The following SPTA1 variants were observed in gnomAD, a reference collection of about 807,000 sequenced individuals.
SPTA1 encodes spectrin alpha, erythrocytic 1, also known as spectrin alpha chain, erythrocytic 1.
Under a neutral mutation model 324.7 loss-of-function variants are expected in SPTA1, and 177 were observed. The observed-to-expected ratio is 0.55, with a 90% confidence interval of 0.48 to 0.62. The LOEUF is 0.62. Ranked by LOEUF, SPTA1 falls within the 20% of genes least tolerant of loss-of-function variation. SPTA1 has a pLI of 0.00. For synonymous variants in SPTA1, 1,195 were observed against 1,041.3 expected (o/e 1.15, Z -2.84); for missense variants, 3,162 against 2,883.6 (o/e 1.10, Z -2.21).
Position 158,614,279 on chromosome 1 carries a change from A to C in SPTA1, c.6816T>G (p.Thr2272=). The C allele has an allele frequency of 6.3e-7, 1 of 1,592,148 alleles. No homozygotes were observed. Among genetic ancestry groups the C allele is most frequent in the South Asian group, 1.1e-5 (1 of 90,490 alleles). Residue 2272 remains threonine, a synonymous_variant, in exon 49 of 52, where the codon ACT becomes ACG. Coordinates refer to ENST00000643759, the MANE Select transcript of SPTA1 (RefSeq NM_003126.4). ...TATAGATTGTGCTAAATTCCTTTAGAGTCTCTTCACTCACACCTTTGATGT... is the reference window on the plus strand; with the variant it reads ...TATAGATTGTGCTAAATTCCTTTAGCGTCTCTTCACTCACACCTTTGATGT... ...AKDIKGVSEE[T]LKEFSTIYKH...
chr1:158,613,012 G>A, intron 50 of SPTA1, 51 bp from the exon 51 acceptor site: 2 of 1,598,286 alleles, frequency 1.3e-6, no homozygotes, highest in Non-Finnish European at 1.7e-6. Context: ...AGAGAAGGAA[G>A]TCCCCTTTTT....
chr1:158,662,722 G>C lies in SPTA1; in HGVS notation c.2444C>G (p.Ser815Ter). Residue 815 changes from serine to a stop codon, truncating the protein, a stop_gained, in exon 17 of 52, where the codon TCA becomes TGA. Transcript: ENST00000643759. LOFTEE classifies it high-confidence loss of function. Reference sequence around the variant, plus strand: ...CTAACCAAGGTAGGTGGAAGTAGCTGAGGGTTCAGTCTCTTGGATCCAGGC... The same window carrying C: ...CTAACCAAGGTAGGTGGAAGTAGCTCAGGGTTCAGTCTCTTGGATCCAGGC... ...EEAWIQETEP[S>*]ATSTYLGKDL... The C allele has an allele frequency of 6.2e-7, 1 of 1,613,932 alleles. No homozygotes were observed. Among genetic ancestry groups the C allele is most frequent in the Non-Finnish European group, 8.5e-7 (1 of 1,179,962 alleles).
rs1157405788 is a variant in SPTA1 at position 158,638,301 on chromosome 1, C to G, written c.4981-60G>C. 4 of 1,530,102 alleles carry G rather than the reference C, an allele frequency of 2.6e-6. No homozygotes were observed. The African/African-American group carries it at 5.5e-5, about 21-fold the overall frequency. 94.8% of individuals were successfully genotyped at this position (1,530,102 alleles called of 1,614,324 possible). ...GTATAGGCATTACTCAGATCCCACA[C>G]TTTAACAACAGCTGGTCTGGCTCAA... On this transcript the variant is annotated intron_variant, in intron 35 of 51. Transcript: ENST00000643759.
At chr1:158,622,842 G>A in intron 43 of SPTA1, 141 bp downstream of exon 43, 1 of 849,238 alleles carries the variant, frequency 1.2e-6, no homozygotes, top group South Asian at 1.5e-5. Context: ...TTTTTGCTCA[G>A]TAAGAATGTC....
rs759152319 is a variant in SPTA1, at chr1:158,676,281, A to G, written c.972T>C (p.Cys324=). 44 of 1,613,458 alleles carry G rather than the reference A, an allele frequency of 2.7e-5. No individual in the cohort carries two copies. The highest frequency in any genetic ancestry group is 3.6e-5 in the Non-Finnish European group (43 of 1,179,690). Residue 324 remains cysteine (C), a synonymous_variant, in exon 8 of 52, where the codon TGT becomes TGC. Transcript: ENST00000643759. The part of the protein sequence containing the change: ...AVMSDKVKEL[C]AKAEKLTLSH... ...AAAGTGTCAGCTTCTCTGCTTTAGC[A>G]CATAACTCCTTCACCTTTGGGATGA... is the stretch of plus-strand genomic sequence containing the variant.
chr1:158,671,992 T>C (rs1013193432), intron 11 of SPTA1, 67 bp downstream of exon 11: 17 of 1,595,026 alleles, frequency 1.1e-5, no homozygotes, highest in Non-Finnish European at 1.5e-5. Context: ...GAACTCATGG[T>C]AGTCATGGTG....
chr1:158,623,766 G>A (rs1650079570), intron 42 of SPTA1, among the ~76,000 whole-genome samples: 1 of 152,138 alleles, frequency 6.6e-6, no homozygotes, highest in Non-Finnish European at 1.5e-5. Context: ...GTCTTTATTA[G>A]CAGTGTGAGA....
intron 14 of SPTA1, 39 bp from the exon 15 acceptor site, chr1:158,668,101 G>T: frequency 6.3e-7 from 1 of 1,580,982 alleles, no homozygotes. Flanking sequence ...ACCATTACCT[G>T]AAGAATGAGG....
intron 33 of SPTA1, among the ~76,000 whole-genome samples, chr1:158,641,307 A>T (rs946042948): frequency 2.6e-5 from 4 of 152,282 alleles, no homozygotes; most frequent in Admixed American, 6.5e-5. Flanking sequence ...AAATTGACAA[A>T]TGGGATCTAA....
intron 39 of SPTA1, among the ~76,000 whole-genome samples, chr1:158,631,466 A>G (rs1444568270): frequency 2.0e-5 from 3 of 152,178 alleles, no homozygotes. Context: ...AAAGGGTGGG[A>G]AAGGGGTCAG....
intron 8 of SPTA1, among the ~76,000 whole-genome samples, chr1:158,675,640 AC>A (rs1222569127): frequency 6.6e-6 from 1 of 152,214 alleles, no homozygotes; most frequent in African/African-American, 2.4e-5. Context: ...AGATTAACAA[AC>A]AATAACTAAT....
intron 42 of SPTA1, among the ~76,000 whole-genome samples, chr1:158,625,352 T>A (rs857718): frequency 0.6 from 91,528 of 151,874 alleles, 27,843 homozygotes; most frequent in Middle Eastern, 0.69. Context: ...TGTCAACACA[T>A]CTTTTAGCCT....
intron 23 of SPTA1, 52 bp downstream of exon 23, chr1:158,652,415 A>G: frequency 6.3e-7 from 1 of 1,578,020 alleles, no homozygotes; most frequent in Non-Finnish European, 8.7e-7. Context: ...GAATATGCTG[A>G]GGGATAAAAG....
At chr1:158,653,584 A>G (rs1652618654) in intron 21 of SPTA1, among the ~76,000 whole-genome samples, 159 bp from the exon 22 acceptor site, 1 of 152,224 alleles carries the variant, frequency 6.6e-6, no homozygotes, top group African/African-American at 2.4e-5. Flanking sequence ...TATGACCAAG[A>G]AATGAAATGA....
Position 158,654,733 on chromosome 1 carries a change from G to A in SPTA1, c.2914C>T (p.Pro972Ser). The change falls in exon 21 of 52, where the codon CCA becomes TCA. Residue 972 changes from proline (P) to serine (S), a missense_variant. Transcript: ENST00000643759. ...ANACQQQQAA[P>S]VEGVAGEQRV... ...TGTTCTCCAGCAACTCCCTCCACTG[G>A]TGCAGCCTGTTGTTGCTGAATAAAA... 4.3e-6 allele frequency: 7 copies of A among 1,613,742 alleles called. No homozygotes were observed. The highest frequency in any genetic ancestry group is 5.9e-6 in the Non-Finnish European group (7 of 1,179,950).
Position 158,653,281 on chromosome 1 carries a change from C to G in SPTA1, c.3181G>C (p.Glu1061Gln), listed in dbSNP as rs1358015778. 6.2e-7 allele frequency: 1 copy of G among 1,614,112 alleles called. No homozygotes were observed. The highest frequency in any genetic ancestry group is 2.2e-5 in the East Asian group (1 of 44,878). ...CCAGGCTCCAGAACTTACTGGTTCT[C>G]AATCTGCTCCTGGCGCTGGGTGATG... is the stretch of plus-strand genomic sequence containing the variant. ...GNITQRQEQI[E>Q]NQYRSLLDRA... Residue 1061 changes from glutamate (E) to glutamine (Q), a missense_variant, in exon 22 of 52, where the codon GAG becomes CAG. Transcript: ENST00000643759.
intron 38 of SPTA1, among the ~76,000 whole-genome samples, chr1:158,635,496 C>T (rs573325870): frequency 2.6e-5 from 4 of 152,166 alleles, no homozygotes; most frequent in African/African-American, 4.8e-5. Context: ...AATGTGAGAA[C>T]GGACTGATAC....
chr1:158,626,932 C>A lies in SPTA1; in HGVS notation c.5740G>T (p.Ala1914Ser), dbSNP rs1374615624. The change falls in exon 41 of 52, where the codon GCT (alanine) becomes TCT (serine). Residue 1914 changes from alanine (A) to serine (S), a missense_variant. Coordinates refer to ENST00000643759, the MANE Select transcript of SPTA1 (RefSeq NM_003126.4). Reference protein sequence around the residue: ...EALNEKTPSLAKAIAAWKLQL... With the variant: ...EALNEKTPSLSKAIAAWKLQL... Reference sequence around the variant, plus strand: ...AACTTCCAAGCAGCTATTGCCTTAGCCAGAGAAGGGGTCTTTTCATTCAGA... The same window carrying A: ...AACTTCCAAGCAGCTATTGCCTTAGACAGAGAAGGGGTCTTTTCATTCAGA... 6.2e-7 allele frequency: 1 copy of A among 1,613,920 alleles called. No homozygotes were observed. Among genetic ancestry groups the A allele is most frequent in the South Asian group, 1.1e-5 (1 of 91,084 alleles).
rs762424841 is a variant in SPTA1 at position 158,613,724 on chromosome 1, C to G, written c.6986G>C (p.Gly2329Ala). 5.0e-6 allele frequency: 8 copies of G among 1,613,614 alleles called. No individual in the cohort carries two copies. The highest frequency in any genetic ancestry group is 5.9e-6 in the Non-Finnish European group (7 of 1,179,770). Residue 2329 changes from glycine to alanine, a missense_variant, in exon 50 of 52, where the codon GGG (glycine) becomes GCG (alanine). By Grantham distance (60) the Gly-to-Ala change is moderately conservative (BLOSUM62 0). Transcript: ENST00000643759. Reference protein sequence around the residue: ...FEKFLDAVDPGRKGYVSLEDY... With the variant: ...FEKFLDAVDPARKGYVSLEDY... ...TGACCCTTAGTCTTGTTCCTACCTC[C>G]CTGGATCCACAGCATCCAGGAACTT...
Sources: allele counts gnomAD v4.1 joint callset (sites outside exome capture counted in the v4.1 genomes callset), GRCh38; gene constraint gnomAD v4.1.1; transcripts MANE v1.5; gene names NCBI Gene and HGNC (gene_info 2026-07-23, HGNC 2026-07-21).